Variants in PALLD observed in about 807,000 individuals in gnomAD.
The protein encoded by PALLD is palladin.
PALLD carries 61 observed loss-of-function variants against 123.5 expected under a neutral mutation model. The ratio of observed to expected loss-of-function variants is 0.49; its 90% CI spans 0.40 to 0.61. The LOEUF (loss-of-function observed/expected upper bound fraction) is 0.61, where lower values mean the gene tolerates loss of function less well. PALLD is among the 20% of genes least tolerant of loss of function. The probability of loss-of-function intolerance (pLI) is 0.00; values close to 1 mark genes in which losing one functional copy is unlikely to be tolerated. For synonymous variants in PALLD, 465 were observed against 496.4 expected (o/e 0.94, Z 0.84); for missense variants, 1,273 against 1,377.0 (o/e 0.92, Z 1.20).
intron 2 of PALLD, among the ~76,000 whole-genome samples, chr4:168,594,779 T>C (rs1353803873): frequency 1.2e-4 from 18 of 152,178 alleles, no homozygotes; most frequent in Admixed American, 1.2e-3. Context: ...GTCAGTGATA[T>C]CCTTGTAGTG....
chr4:168,558,658 C>G (rs1416871348), intron 2 of PALLD, among the ~76,000 whole-genome samples: 1 of 152,182 alleles, frequency 6.6e-6, no homozygotes, highest in African/African-American at 2.4e-5. Flanking sequence ...ATATATGGAT[C>G]TGTCTCAGAT....
At chr4:168,610,005 A>T (rs1773577548) in intron 2 of PALLD, among the ~76,000 whole-genome samples, 1 of 152,134 alleles carries the variant, frequency 6.6e-6, no homozygotes, top group African/African-American at 2.4e-5. Context: ...GTCTATGTTC[A>T]ATCTGTCATT....
intron 2 of PALLD, among the ~76,000 whole-genome samples, chr4:168,584,790 A>C (rs1044478202): frequency 6.6e-6 from 1 of 152,182 alleles, no homozygotes; most frequent in Non-Finnish European, 1.5e-5. Context: ...ATATGGATAA[A>C]CTTGAGGGGG....
chr4:168,551,398 AG>A (rs1766713497), intron 2 of PALLD, among the ~76,000 whole-genome samples: 1 of 152,186 alleles, frequency 6.6e-6, no homozygotes, highest in Non-Finnish European at 1.5e-5. Flanking sequence ...TAAGGATTCC[AG>A]GAGTATACTT....
At chr4:168,915,380 A>C (rs1759890167) in intron 16 of PALLD, among the ~76,000 whole-genome samples, 1 of 152,250 alleles carries the variant, frequency 6.6e-6, no homozygotes, top group Non-Finnish European at 1.5e-5. Flanking sequence ...TAAAGCAAAA[A>C]ATAATGCCTC....
At chr4:168,859,760 C>G (rs1242849068) in intron 10 of PALLD, among the ~76,000 whole-genome samples, 1 of 152,110 alleles carries the variant, frequency 6.6e-6, no homozygotes, top group Non-Finnish European at 1.5e-5. Context: ...CCTCAAGGAG[C>G]ACTGTACAGT....
At chr4:168,582,087 G>A (rs998243993) in intron 2 of PALLD, among the ~76,000 whole-genome samples, 1 of 151,702 alleles carries the variant, frequency 6.6e-6, no homozygotes, top group Non-Finnish European at 1.5e-5. Context: ...TTTATTTCTG[G>A]GTTCTCTACT....
intron 2 of PALLD, among the ~76,000 whole-genome samples, chr4:168,611,797 T>C (rs552808515): frequency 6.6e-6 from 1 of 152,314 alleles, no homozygotes; most frequent in Non-Finnish European, 1.5e-5. Flanking sequence ...AAAGCCTGCT[T>C]GATTCTCTGT....
chr4:168,521,530 ATTATT>A (rs1488033657), intron 2 of PALLD, among the ~76,000 whole-genome samples: 2 of 152,192 alleles, frequency 1.3e-5, no homozygotes, highest in African/African-American at 4.8e-5. Flanking sequence ...AAAGTTACTT[ATTATT>A]TTAAAGTGTT....
chr4:168,808,945 G>A (rs1389059343), intron 10 of PALLD, among the ~76,000 whole-genome samples: 2 of 152,204 alleles, frequency 1.3e-5, no homozygotes, highest in African/African-American at 2.4e-5. Flanking sequence ...ATATAAGCAG[G>A]CCAGGGATTT....
chr4:168,784,226 G>A (rs1736354373), intron 10 of PALLD, among the ~76,000 whole-genome samples: 1 of 152,130 alleles, frequency 6.6e-6, no homozygotes, highest in African/African-American at 2.4e-5. Flanking sequence ...CCAGCCGCTT[G>A]GGAGAATGAG....
At chr4:168,865,716 A>C (rs1032939318) in intron 10 of PALLD, among the ~76,000 whole-genome samples, 1 of 152,254 alleles carries the variant, frequency 6.6e-6, no homozygotes, top group African/African-American at 2.4e-5. Context: ...ACAGCATAAC[A>C]GATGAGTAAT....
At chr4:168,854,911 G>A (rs1403293404) in intron 10 of PALLD, among the ~76,000 whole-genome samples, 2 of 152,172 alleles carry the variant, frequency 1.3e-5, no homozygotes, top group Non-Finnish European at 2.9e-5. Flanking sequence ...GTCCGTCTGT[G>A]CTGAGCACAA....
Position 168,711,765 on chromosome 4 carries a change from A to G in PALLD, c.1806A>G (p.Gln602=), listed in dbSNP as rs1281116795. ...TGAGCAGGGCAGCCCTTCAAATGCA[A>G]TTCAATGCTGCTGAGAGGGAAACGA... ...LGLSRAALQM[Q]FNAAERETNG... Residue 602 remains glutamine (Q), a synonymous_variant, in exon 10 of 22, where the codon CAA becomes CAG. Coordinates refer to ENST00000505667, the MANE Select transcript of PALLD (RefSeq NM_001166108.2). The G allele has an allele frequency of 1.2e-6, 2 of 1,614,132 alleles. No individual in the cohort carries two copies. The highest frequency in any genetic ancestry group is 3.3e-5 in the Admixed American group (2 of 60,026).
intron 8 of PALLD, among the ~76,000 whole-genome samples, chr4:168,702,874 T>TTTTA (rs1300257515): frequency 1.2e-4 from 17 of 141,196 alleles, no homozygotes; most frequent in Non-Finnish European, 2.4e-4. Flanking sequence ...TTTGTTTTTA[T>TTTTA]TTTATTTATT....
In PALLD at chr4:168,889,981, C is replaced by CT. The variant is rs530155183; in HGVS notation, c.1965-938dup. ...TGTGACTTGCTTTTTTTCACCGGAACTTTGTTTTTGAAGTTCAGCTTTGTT... is the reference window on the plus strand; with the variant it reads ...TGTGACTTGCTTTTTTTCACCGGAACTTTTGTTTTTGAAGTTCAGCTTTGTT... On this transcript the variant is annotated intron_variant, in intron 10 of 21. Coordinates refer to ENST00000505667, the MANE Select transcript of PALLD (RefSeq NM_001166108.2). Among the ~76,000 whole-genome samples the CT allele has an allele frequency of 1.6e-4, 24 of 152,214 alleles. No individual in the cohort carries two copies. In the Middle Eastern group the frequency reaches 0.017, roughly 108 times the overall value.
At chr4:168,524,609 T>G (rs1322241716) in intron 2 of PALLD, among the ~76,000 whole-genome samples, 1 of 152,176 alleles carries the variant, frequency 6.6e-6, no homozygotes, top group East Asian at 1.9e-4. Flanking sequence ...ACATTTTAAC[T>G]GCTATACTCT....
At chr4:168,868,556 T>A (rs770312250) in intron 10 of PALLD, among the ~76,000 whole-genome samples, 5 of 152,198 alleles carry the variant, frequency 3.3e-5, no homozygotes, top group Non-Finnish European at 5.9e-5. Context: ...TTTAACTTAG[T>A]ATCAGCCATA....
chr4:168,894,528 T>G, intron 11 of PALLD, 51 bp from the exon 12 acceptor site: 1 of 1,130,206 alleles, frequency 8.8e-7, no homozygotes, highest in Non-Finnish European at 1.3e-6. Context: ...GGGCAGTACA[T>G]ATTTGTGATT....
Sources: gnomAD v4.1 joint callset for allele counts (sites outside exome capture counted in the v4.1 genomes callset) on GRCh38, gnomAD v4.1.1 for gene constraint, MANE v1.5 for transcripts, NCBI Gene and HGNC (gene_info 2026-07-23, HGNC 2026-07-21) for gene names.